The following DOCK1 variants were observed in gnomAD, a reference collection of about 807,000 sequenced individuals.
DOCK1 encodes dedicator of cytokinesis protein 1.
DOCK1 carries 138 observed loss-of-function variants against 262.7 expected under a neutral mutation model. That is an observed-to-expected ratio of 0.53 (90% CI 0.46 to 0.61). The LOEUF (loss-of-function observed/expected upper bound fraction) is 0.61, where lower values mean the gene tolerates loss of function less well. Among genes scored for constraint, DOCK1 ranks in the 20% least tolerant of loss-of-function variants. The pLI is 0.00. For synonymous variants in DOCK1, 866 were observed against 867.4 expected (o/e 1.00, Z 0.03); for missense variants, 1,908 against 2,370.7 (o/e 0.80, Z 4.05).
chr10:127,048,921 A>G (rs1469544621), intron 21 of DOCK1, among the ~76,000 whole-genome samples: 1 of 152,234 alleles, frequency 6.6e-6, no homozygotes, highest in East Asian at 1.9e-4. Context: ...ATGCTGGAAC[A>G]TGGAAAGCTT....
chr10:127,345,008 T>C (rs2063570488), intron 31 of DOCK1, among the ~76,000 whole-genome samples: 3 of 152,244 alleles, frequency 2.0e-5, no homozygotes, highest in African/African-American at 7.2e-5. Context: ...GTGGTATTTA[T>C]TGTAGTCACA....
At chr10:127,384,031 G>A (rs1054197969) in intron 37 of DOCK1, among the ~76,000 whole-genome samples, 14 of 152,096 alleles carry the variant, frequency 9.2e-5, no homozygotes, top group Admixed American at 2.6e-4. Context: ...ATGTAGAATC[G>A]CACCATCCTG....
At chr10:127,023,769 A>G (rs576819728) in intron 14 of DOCK1, among the ~76,000 whole-genome samples, 33 of 152,020 alleles carry the variant, frequency 2.2e-4, no homozygotes, top group South Asian at 6.2e-4. Context: ...CCTTTGCCCA[A>G]CCTTATCGTG....
intron 27 of DOCK1, among the ~76,000 whole-genome samples, chr10:127,167,520 T>G (rs976033431): frequency 6.6e-6 from 1 of 151,916 alleles, no homozygotes; most frequent in African/African-American, 2.4e-5. Flanking sequence ...GCCCCGAAAC[T>G]TTTATGAATA....
At chr10:127,286,131 AT>A (rs2061146040) in intron 29 of DOCK1, among the ~76,000 whole-genome samples, 1 of 151,944 alleles carries the variant, frequency 6.6e-6, no homozygotes, top group South Asian at 2.1e-4. Flanking sequence ...AATCGTGTTC[AT>A]TTCCAGGAAA....
At chr10:126,984,982 T>TC (rs1023833375) in intron 4 of DOCK1, among the ~76,000 whole-genome samples, 2 of 145,784 alleles carry the variant, frequency 1.4e-5, no homozygotes, top group African/African-American at 2.6e-5. Context: ...TTCTTTTTTT[T>TC]TTTTTTTTTT....
intron 38 of DOCK1, 100 bp downstream of exon 38, chr10:127,385,009 AAATT>A: frequency 7.4e-7 from 1 of 1,350,932 alleles, no homozygotes; most frequent in Non-Finnish European, 9.6e-7. Flanking sequence ...GCAGAACCAG[AAATT>A]TGTTACAAGT....
chr10:126,987,270 C>T (rs1435280174), intron 4 of DOCK1, among the ~76,000 whole-genome samples: 1 of 152,194 alleles, frequency 6.6e-6, no homozygotes, highest in African/African-American at 2.4e-5. Flanking sequence ...CCTCTTTCAT[C>T]TTACTTTGAC....
intron 1 of DOCK1, among the ~76,000 whole-genome samples, chr10:126,961,914 C>T (rs2037253329): frequency 6.6e-6 from 1 of 152,226 alleles, no homozygotes; most frequent in Non-Finnish European, 1.5e-5. Flanking sequence ...ACAGCAGCTA[C>T]ACCATTTTGG....
intron 27 of DOCK1, among the ~76,000 whole-genome samples, chr10:127,169,121 G>A (rs1254403544): frequency 6.6e-6 from 1 of 152,158 alleles, no homozygotes; most frequent in Non-Finnish European, 1.5e-5. Context: ...GCTGCTGGGA[G>A]AATGAGACCT....
At chr10:127,363,086 C>T (rs1255447306) in intron 33 of DOCK1, among the ~76,000 whole-genome samples, 1 of 134,636 alleles carries the variant, frequency 7.4e-6, no homozygotes. Flanking sequence ...TATGTGCACA[C>T]ATACACACAC....
At chr10:127,352,007 T>A in intron 31 of DOCK1, among the ~76,000 whole-genome samples, 1 of 150,598 alleles carries the variant, frequency 6.6e-6, no homozygotes, top group Admixed American at 6.6e-5. Context: ...AGGGGTGGGC[T>A]CTTGTATCCT....
At chr10:126,943,563 G>T (rs1208570068) in intron 1 of DOCK1, among the ~76,000 whole-genome samples, 4 of 152,202 alleles carry the variant, frequency 2.6e-5, no homozygotes, top group Non-Finnish European at 5.9e-5. Flanking sequence ...CTAAATTCAT[G>T]CATTCAGTAA....
chr10:127,157,364 G>T (rs1417373983), intron 27 of DOCK1, among the ~76,000 whole-genome samples: 1 of 152,232 alleles, frequency 6.6e-6, no homozygotes, highest in East Asian at 1.9e-4. Flanking sequence ...GCAGGTGAGA[G>T]TGGGGAGAGA....
chr10:127,193,077 C>T (rs2056864451), intron 27 of DOCK1, among the ~76,000 whole-genome samples: 2 of 152,074 alleles, frequency 1.3e-5, no homozygotes, highest in East Asian at 3.8e-4. Flanking sequence ...ATTGAAGTCA[C>T]CCCATAATGT....
intron 29 of DOCK1, among the ~76,000 whole-genome samples, chr10:127,315,779 C>A (rs532424722): frequency 6.6e-6 from 1 of 152,258 alleles, no homozygotes; most frequent in East Asian, 1.9e-4. Flanking sequence ...CTCACTGCAA[C>A]CTCCGCCCTC....
chr10:126,942,815 T>C (rs1352464447), intron 1 of DOCK1, among the ~76,000 whole-genome samples: 11 of 152,242 alleles, frequency 7.2e-5, no homozygotes, highest in African/African-American at 2.7e-4. Context: ...ATTTGCAAGA[T>C]GTTTCTTTCC....
chr10:127,036,043 T>TTAAA (rs1554870787), intron 18 of DOCK1, among the ~76,000 whole-genome samples: 7,348 of 147,636 alleles, frequency 0.05, 241 homozygotes, highest in Non-Finnish European at 0.07. Context: ...AATAAATAAA[T>TTAAA]AAAAAAGAGT....
chr10:126,963,255 G>T (rs1233122871), intron 1 of DOCK1, among the ~76,000 whole-genome samples: 2 of 152,120 alleles, frequency 1.3e-5, no homozygotes, highest in Non-Finnish European at 2.9e-5. Flanking sequence ...ATTTTGATAG[G>T]AGTTGCACTG....
Sources: allele counts gnomAD v4.1 joint callset (sites outside exome capture counted in the v4.1 genomes callset), GRCh38; gene constraint gnomAD v4.1.1; transcripts MANE v1.5; gene names NCBI Gene and HGNC (gene_info 2026-07-23, HGNC 2026-07-21).